The following DCC variants were observed in gnomAD, a reference collection of about 807,000 sequenced individuals.
The protein encoded by DCC is DCC netrin 1 receptor.
DCC carries 58 observed loss-of-function variants against 172.5 expected under a neutral mutation model. The ratio of observed to expected loss-of-function variants is 0.34; its 90% CI spans 0.27 to 0.42. The LOEUF is 0.42. Ranked by LOEUF, DCC falls within the 10% of genes least tolerant of loss-of-function variation. The pLI is 1.00. For missense variants in DCC, 1,740 were observed against 1,791.0 expected, an observed-to-expected ratio of 0.97 and a Z score of 0.51; for synonymous variants, 709 against 644.5, an observed-to-expected ratio of 1.10 and a Z score of -1.52.
intron 13 of DCC, among the ~76,000 whole-genome samples, chr18:53,314,794 A>G (rs2057324608): frequency 6.6e-6 from 1 of 152,166 alleles, no homozygotes; most frequent in Admixed American, 6.5e-5. Context: ...TGAGGCACTA[A>G]TCTCTACAGG....
intron 1 of DCC, among the ~76,000 whole-genome samples, chr18:52,563,514 C>T (rs2033087009): frequency 1.3e-5 from 2 of 152,096 alleles, no homozygotes; most frequent in Admixed American, 6.6e-5. Context: ...AGCAGGCACA[C>T]ATAAGGATGG....
intron 2 of DCC, among the ~76,000 whole-genome samples, chr18:52,753,311 AC>A (rs1168053306): frequency 6.6e-6 from 1 of 152,182 alleles, no homozygotes; most frequent in African/African-American, 2.4e-5. Context: ...GATTTGACTG[AC>A]CTTTCTCCTT....
chr18:52,459,461 T>C (rs1437393222), intron 1 of DCC, among the ~76,000 whole-genome samples: 1 of 151,138 alleles, frequency 6.6e-6, no homozygotes, highest in African/African-American at 2.4e-5. Flanking sequence ...TTTGGTTTTC[T>C]TTCTTTCTTT....
At chr18:52,547,916 C>T (rs573902453) in intron 1 of DCC, among the ~76,000 whole-genome samples, 1 of 152,210 alleles carries the variant, frequency 6.6e-6, no homozygotes, top group African/African-American at 2.4e-5. Flanking sequence ...CAAAAGCAAC[C>T]ATAGACAATC....
chr18:53,154,417 G>A (rs1034372651), intron 7 of DCC, among the ~76,000 whole-genome samples: 1 of 152,130 alleles, frequency 6.6e-6, no homozygotes, highest in Non-Finnish European at 1.5e-5. Context: ...CAGGAGTCAG[G>A]CCAGCAAGCT....
intron 15 of DCC, among the ~76,000 whole-genome samples, chr18:53,381,040 C>CG (rs1328779461): frequency 1.3e-5 from 2 of 152,070 alleles, no homozygotes; most frequent in Non-Finnish European, 2.9e-5. Flanking sequence ...TGTCATTACT[C>CG]AGATGACTCG....
At chr18:52,698,217 T>G (rs1352162132) in intron 1 of DCC, among the ~76,000 whole-genome samples, 5 of 152,202 alleles carry the variant, frequency 3.3e-5, no homozygotes, top group Non-Finnish European at 7.3e-5. Flanking sequence ...AAGCCATGGA[T>G]GACTTTTGAA....
At chr18:53,127,494 T>G (rs1384475165) in intron 7 of DCC, among the ~76,000 whole-genome samples, 2 of 152,124 alleles carry the variant, frequency 1.3e-5, no homozygotes, top group Non-Finnish European at 2.9e-5. Context: ...TTCAATGGTT[T>G]TAAATTTTGC....
chr18:53,057,240 C>T (rs2042420695), intron 5 of DCC, among the ~76,000 whole-genome samples: 1 of 151,746 alleles, frequency 6.6e-6, no homozygotes, highest in Non-Finnish European at 1.5e-5. Flanking sequence ...TTTCATTGTA[C>T]AGAATTCAAA....
At chr18:52,702,676 C>T (rs139285759) in intron 1 of DCC, among the ~76,000 whole-genome samples, 4 of 152,152 alleles carry the variant, frequency 2.6e-5, no homozygotes, top group African/African-American at 7.2e-5. Context: ...CTTAGGTCTC[C>T]GTCTTACTCC....
intron 12 of DCC, among the ~76,000 whole-genome samples, chr18:53,300,088 C>A (rs1444605186): frequency 2.0e-5 from 3 of 152,174 alleles, no homozygotes; most frequent in Non-Finnish European, 4.4e-5. Flanking sequence ...TGAATATATT[C>A]TACCAACTTA....
intron 24 of DCC, among the ~76,000 whole-genome samples, chr18:53,467,367 A>C (rs1259702044): frequency 6.6e-6 from 1 of 152,120 alleles, no homozygotes; most frequent in Non-Finnish European, 1.5e-5. Flanking sequence ...AATCCTAATA[A>C]ATTTATGTAA....
chr18:52,425,031 T>C (rs1370503185), intron 1 of DCC, among the ~76,000 whole-genome samples: 1 of 152,132 alleles, frequency 6.6e-6, no homozygotes, highest in Admixed American at 6.6e-5. Flanking sequence ...ATACATTGCC[T>C]GAATAATGTA....
rs149184271 is a variant in DCC at position 52,399,415 on chromosome 18, A to G, written c.91+58537A>G. On this transcript the variant is annotated intron_variant, in intron 1 of 28. Coordinates refer to ENST00000442544, the MANE Select transcript of DCC (RefSeq NM_005215.4). ...AAATGTCCTTTTGTTATTTAAACAC[A>G]TATCTATAATTTTCTATTGAAAGAG... Among the ~76,000 whole-genome samples the G allele has an allele frequency of 5.5e-4, 84 of 152,054 alleles. 1 individual carries two copies. Among genetic ancestry groups the G allele is most frequent in the African/African-American group, 2.0e-3 (82 of 41,544 alleles).
intron 14 of DCC, among the ~76,000 whole-genome samples, chr18:53,330,176 T>C (rs2057514666): frequency 1.3e-5 from 2 of 152,186 alleles, no homozygotes; most frequent in Non-Finnish European, 2.9e-5. Flanking sequence ...TATTTTTAAA[T>C]ATAACAAAGA....
chr18:52,905,595 A>ATCTTCATGAC (rs768734421), intron 2 of DCC, among the ~76,000 whole-genome samples: 15 of 152,148 alleles, frequency 9.9e-5, no homozygotes, highest in Non-Finnish European at 1.2e-4. Context: ...TCCTTCATGA[A>ATCTTCATGAC]TCTTCATGAC....
At chr18:53,237,275 T>G (rs1313858619) in intron 12 of DCC, 1 of 153,960 alleles carries the variant, frequency 6.5e-6, no homozygotes, top group South Asian at 2.0e-4. Context: ...TGTGGGTGAC[T>G]GAGATAAAAT....
chr18:52,837,089 G>A (rs745392387), intron 2 of DCC, among the ~76,000 whole-genome samples: 1 of 152,154 alleles, frequency 6.6e-6, no homozygotes, highest in Non-Finnish European at 1.5e-5. Flanking sequence ...TTTGACCATG[G>A]CTGGAGTGTC....
intron 26 of DCC, among the ~76,000 whole-genome samples, chr18:53,491,351 A>G (rs565606919): frequency 6.6e-6 from 1 of 152,290 alleles, no homozygotes; most frequent in South Asian, 2.1e-4. Context: ...TTAAACTTAC[A>G]ATCACAATAA....
Sources: gnomAD v4.1 joint callset for allele counts (sites outside exome capture counted in the v4.1 genomes callset) on GRCh38, gnomAD v4.1.1 for gene constraint, MANE v1.5 for transcripts, NCBI Gene and HGNC (gene_info 2026-07-23, HGNC 2026-07-21) for gene names.